The following LUZP1 variants were observed in gnomAD, a reference collection of about 807,000 sequenced individuals.
The protein encoded by LUZP1 is leucine zipper protein 1.
Under a neutral mutation model 71.3 loss-of-function variants are expected in LUZP1, and 25 were observed. That is an observed-to-expected ratio of 0.35 (90% CI 0.26 to 0.49). LUZP1 has a LOEUF of 0.49. LUZP1 is among the 20% of genes least tolerant of loss of function. The pLI is 0.99. For missense variants in LUZP1, 1,142 were observed against 1,300.8 expected, an observed-to-expected ratio of 0.88 and a Z score of 1.88; for synonymous variants, 481 against 506.4, an observed-to-expected ratio of 0.95 and a Z score of 0.67.
At chr1:23,158,450 A>C (rs898171813) in intron 2 of LUZP1, among the ~76,000 whole-genome samples, 1 of 151,972 alleles carries the variant, frequency 6.6e-6, no homozygotes, top group African/African-American at 2.4e-5. Flanking sequence ...GGAGTTCGAG[A>C]CCAGCCTGGC....
intron 2 of LUZP1, among the ~76,000 whole-genome samples, chr1:23,139,019 A>AAAATATATAT (rs1317355746): frequency 6.8e-4 from 41 of 59,938 alleles, no homozygotes; most frequent in South Asian, 2.4e-3. Flanking sequence ...AAAAAAAAAA[A>AAAATATATAT]ATATATATAT....
chr1:23,154,395 C>G (rs1644405879), intron 2 of LUZP1, among the ~76,000 whole-genome samples: 1 of 151,994 alleles, frequency 6.6e-6, no homozygotes, highest in Non-Finnish European at 1.5e-5. Context: ...TTTTAATTAC[C>G]AGGCATGGTG....
chr1:23,110,520 C>G (rs1245313964), intron 2 of LUZP1, among the ~76,000 whole-genome samples: 1 of 152,118 alleles, frequency 6.6e-6, no homozygotes, highest in Non-Finnish European at 1.5e-5. Flanking sequence ...TGCAAGCCAC[C>G]TTGTGACTGC....
chr1:23,097,484 TCAGAATTCTGGC>T (rs1397833515), intron 3 of LUZP1, among the ~76,000 whole-genome samples: 1 of 152,110 alleles, frequency 6.6e-6, no homozygotes, highest in African/African-American at 2.4e-5. Context: ...TGAGAAATGG[TCAGAATTCTGGC>T]CGTATGAAGG....
chr1:23,136,277 C>T (rs967942974), intron 2 of LUZP1, among the ~76,000 whole-genome samples: 14 of 145,886 alleles, frequency 9.6e-5, no homozygotes, highest in East Asian at 2.1e-4. Flanking sequence ...GAGGCTGAGG[C>T]GGGCAGATTC....
intron 2 of LUZP1, among the ~76,000 whole-genome samples, chr1:23,120,151 C>A (rs1286469731): frequency 6.6e-6 from 1 of 152,074 alleles, no homozygotes; most frequent in African/African-American, 2.4e-5. Flanking sequence ...CCATGTTGCC[C>A]AGGCTGGTCT....
Position 23,093,072 on chromosome 1 carries a change from T to A in LUZP1, c.1190A>T (p.His397Leu), listed in dbSNP as rs140498746. Residue 397 changes from histidine (H) to leucine (L), a missense_variant, in exon 4 of 5, where the codon CAT becomes CTT. By Grantham distance (99) the His-to-Leu change is moderately conservative. Coordinates refer to ENST00000302291, the Ensembl canonical transcript of LUZP1. The surrounding 1 kb of genome is among the most constrained non-coding windows in gnomAD (Gnocchi z 4.2). ...CCTGTTCCGGAGTCGTTCCCGCTTA[T>A]GCTGAGGAGACAGTTCCCGCGCTGT... is the stretch of plus-strand genomic sequence containing the variant. 1 of 1,614,168 alleles carries A rather than the reference T, an allele frequency of 6.2e-7. No individual in the cohort carries two copies. Among genetic ancestry groups the A allele is most frequent in the Non-Finnish European group, 8.5e-7 (1 of 1,179,990 alleles).
intron 3 of LUZP1, among the ~76,000 whole-genome samples, chr1:23,102,318 A>C (rs1386658435): frequency 6.6e-6 from 1 of 152,108 alleles, no homozygotes; most frequent in Non-Finnish European, 1.5e-5. Context: ...AAGTGGCCCC[A>C]TCCAGCATTT....
chr1:23,125,250 T>G (rs1019569698), intron 2 of LUZP1, among the ~76,000 whole-genome samples: 9 of 152,190 alleles, frequency 5.9e-5, no homozygotes, highest in African/African-American at 2.2e-4. Flanking sequence ...GAGAAAACAG[T>G]GCATACTTTC....
chr1:23,170,573 T>C (rs1365334599), intron 1 of LUZP1, among the ~76,000 whole-genome samples: 1 of 151,648 alleles, frequency 6.6e-6, no homozygotes, highest in African/African-American at 2.4e-5. Context: ...TTCAAGAGAT[T>C]CTCCTGCCTC....
intron 2 of LUZP1, among the ~76,000 whole-genome samples, chr1:23,128,217 T>TAA: frequency 6.8e-6 from 1 of 147,516 alleles, no homozygotes; most frequent in African/African-American, 2.5e-5. Context: ...GTTTCTCAGT[T>TAA]AAAAAAAAAA....
chr1:23,168,138 G>A (rs1041651872), intron 2 of LUZP1, among the ~76,000 whole-genome samples: 3 of 146,186 alleles, frequency 2.1e-5, no homozygotes, highest in African/African-American at 7.4e-5. Context: ...CAGCTGCGGC[G>A]GCCGCGGGAC....
At chr1:23,173,113 C>T (rs1644561913) in intron 1 of LUZP1, among the ~76,000 whole-genome samples, 2 of 151,120 alleles carry the variant, frequency 1.3e-5, no homozygotes, top group Non-Finnish European at 3.0e-5. Flanking sequence ...GAGCCACCGC[C>T]AGGCATGGTG....
intron 2 of LUZP1, among the ~76,000 whole-genome samples, chr1:23,151,516 A>C (rs1644383667): frequency 6.6e-6 from 1 of 152,172 alleles, no homozygotes; most frequent in South Asian, 2.1e-4. Context: ...AGGATAGAGG[A>C]GCAGAAAGAA....
intron 3 of LUZP1, among the ~76,000 whole-genome samples, chr1:23,101,695 G>A (rs1282174916): frequency 1.3e-5 from 2 of 152,136 alleles, no homozygotes; most frequent in African/African-American, 2.4e-5. Flanking sequence ...ATGGGGTTAG[G>A]AGGTCACTTA....
intron 2 of LUZP1, among the ~76,000 whole-genome samples, chr1:23,149,217 A>G (rs1228904776): frequency 6.6e-6 from 1 of 152,074 alleles, no homozygotes; most frequent in African/African-American, 2.4e-5. Flanking sequence ...TCCATTTTAC[A>G]CACGAGCCAC....
chr1:23,139,124 T>C (rs201012760), intron 2 of LUZP1, among the ~76,000 whole-genome samples: 2 of 147,104 alleles, frequency 1.4e-5, no homozygotes, highest in Admixed American at 6.9e-5. Flanking sequence ...ATTTTTTTTT[T>C]CCACACACAC....
chr1:23,151,657 T>C (rs1644385913), intron 2 of LUZP1, among the ~76,000 whole-genome samples: 1 of 152,072 alleles, frequency 6.6e-6, no homozygotes, highest in Admixed American at 6.5e-5. Context: ...CATGAGGCAG[T>C]TGTAAAGATT....
At chr1:23,161,367 C>T (rs1444489991) in intron 2 of LUZP1, among the ~76,000 whole-genome samples, 3 of 152,128 alleles carry the variant, frequency 2.0e-5, no homozygotes, top group Non-Finnish European at 4.4e-5. Context: ...TATACATAAG[C>T]TCAGGCATGA....
Sources: gnomAD v4.1 joint callset for allele counts (sites outside exome capture counted in the v4.1 genomes callset) on GRCh38, gnomAD v4.1.1 for gene constraint, Gnocchi (gnomAD v3.1) non-coding constraint, MANE v1.5 for transcripts, NCBI Gene and HGNC (gene_info 2026-07-23, HGNC 2026-07-21) for gene names.